Variants in IGSF10 observed in about 807,000 individuals in gnomAD.
IGSF10 encodes immunoglobulin superfamily member 10.
IGSF10 carries 126 observed loss-of-function variants against 128.2 expected under a neutral mutation model. That is an observed-to-expected ratio of 0.98 (90% confidence interval 0.85 to 1.14). The LOEUF (loss-of-function observed/expected upper bound fraction) is 1.14. Among genes scored for constraint, IGSF10 ranks in the 50% most tolerant of loss-of-function variants. The pLI, the probability that IGSF10 is intolerant of heterozygous loss-of-function variation, is 0.00. For missense variants in IGSF10, 3,295 were observed against 3,149.8 expected (o/e 1.05, Z -1.10); for synonymous variants, 1,185 against 1,146.2 (o/e 1.03, Z -0.68).
the IGSF10 span, among the ~76,000 whole-genome samples, chr3:151,492,332 T>C: frequency 6.6e-6 from 1 of 152,160 alleles, no homozygotes; most frequent in Non-Finnish European, 1.5e-5. Context: ...TTAGGATGAC[T>C]ATCATCAAAA....
chr3:151,478,443 C>T, the IGSF10 span, among the ~76,000 whole-genome samples: 1 of 152,188 alleles, frequency 6.6e-6, no homozygotes, highest in South Asian at 2.1e-4. Flanking sequence ...TCAAAAGTCA[C>T]TTTTTGGACA....
chr3:151,487,200 C>T, the IGSF10 span, among the ~76,000 whole-genome samples: 3 of 152,286 alleles, frequency 2.0e-5, no homozygotes, highest in Admixed American at 6.5e-5. Context: ...ATACTATAAA[C>T]ACCTCTATGC....
chr3:151,595,463 A>T, the IGSF10 span, among the ~76,000 whole-genome samples: 1 of 150,028 alleles, frequency 6.7e-6, no homozygotes, highest in South Asian at 2.1e-4. Context: ...CATACATAAC[A>T]TAATGGAATA....
the IGSF10 span, among the ~76,000 whole-genome samples, chr3:151,612,213 T>C: frequency 6.6e-6 from 1 of 152,186 alleles, no homozygotes; most frequent in African/African-American, 2.4e-5. Context: ...TTCCCAAACT[T>C]GCTGAAATCT....
chr3:151,519,479 T>C, the IGSF10 span, among the ~76,000 whole-genome samples: 2 of 151,794 alleles, frequency 1.3e-5, no homozygotes, highest in Non-Finnish European at 3.0e-5. Flanking sequence ...AGTTGGGGGA[T>C]ATATTTTATT....
At chr3:151,569,226 C>T in the IGSF10 span, among the ~76,000 whole-genome samples, 1 of 152,152 alleles carries the variant, frequency 6.6e-6, no homozygotes, top group South Asian at 2.1e-4. Flanking sequence ...TATGCGCTAC[C>T]ACATCCGGCA....
the IGSF10 span, among the ~76,000 whole-genome samples, chr3:151,615,009 C>T: frequency 3.6e-4 from 55 of 151,830 alleles, no homozygotes; most frequent in African/African-American, 1.3e-3. Context: ...TTTGGAAAGC[C>T]TATGAACTTC....
chr3:151,435,576 T>TTA (rs1441656739), downstream of IGSF10: 2 of 152,122 alleles, frequency 1.3e-5, no homozygotes, highest in African/African-American at 4.8e-5. Flanking sequence ...CACTGAGATA[T>TTA]CTAAGACCTA....
chr3:151,523,333 AACAAAAAAAGAGCCCACAT>A, the IGSF10 span, among the ~76,000 whole-genome samples: 1 of 152,166 alleles, frequency 6.6e-6, no homozygotes, highest in African/African-American at 2.4e-5. Context: ...ATTCATATGG[AACAAAAAAAGAGCCCACAT>A]ACAAAAGGCA....
chr3:151,505,309 G>C, the IGSF10 span, among the ~76,000 whole-genome samples: 12 of 152,034 alleles, frequency 7.9e-5, no homozygotes, highest in African/African-American at 2.7e-4. Flanking sequence ...CAAGTGAAGG[G>C]GGAAGCCCTT....
intron 2 of IGSF10, 25 bp downstream of exon 2, chr3:151,460,236 A>C (rs1560184190): frequency 5.6e-6 from 4 of 716,120 alleles, no homozygotes; most frequent in South Asian, 1.3e-4. Context: ...GAAAATGTAC[A>C]TAATGAAATA....
At chr3:151,518,689 G>A in the IGSF10 span, among the ~76,000 whole-genome samples, 1 of 151,898 alleles carries the variant, frequency 6.6e-6, no homozygotes, top group Non-Finnish European at 1.5e-5. Context: ...TATTTAAAAT[G>A]TTGTATTGAG....
At position 151,448,138 on chromosome 3, in the gene IGSF10, GCA is replaced by G; in HGVS notation, c.1841_1842del (p.Val614AlafsTer40). The G allele has an allele frequency of 6.2e-7, 1 of 1,614,142 alleles. No homozygotes were observed. Among genetic ancestry groups the G allele is most frequent in the Non-Finnish European group, 8.5e-7 (1 of 1,179,986 alleles). On this transcript the variant is annotated frameshift_variant, in exon 6 of 8. Transcript: ENST00000282466. LOFTEE classifies it high-confidence loss of function. The stretch of plus-strand genomic sequence containing the variant: ...TTCTTGTCTCTTGATGACTGATAGA[GCA>G]CATTGTTTCCTGGAATAACCCAGCT... ...SISWVIPGNN[V>X]LYQSSRDKKV...
the IGSF10 span, among the ~76,000 whole-genome samples, chr3:151,567,359 C>T: frequency 5.9e-5 from 9 of 152,320 alleles, no homozygotes; most frequent in Admixed American, 2.0e-4. Context: ...CACTCTGCCT[C>T]TGCTGAGAGT....
At chr3:151,508,535 G>C in the IGSF10 span, among the ~76,000 whole-genome samples, 1 of 152,110 alleles carries the variant, frequency 6.6e-6, no homozygotes, top group African/African-American at 2.4e-5. Flanking sequence ...CTTTATCAAA[G>C]AGTACAGGTT....
At chr3:151,488,574 T>C in the IGSF10 span, among the ~76,000 whole-genome samples, 1 of 152,182 alleles carries the variant, frequency 6.6e-6, no homozygotes, top group Non-Finnish European at 1.5e-5. Flanking sequence ...CATCAATCTA[T>C]ACTACAAGTC....
chr3:151,458,824 A>G (rs1219622790), intron 2 of IGSF10, 114 bp from the exon 3 acceptor site: 3 of 772,420 alleles, frequency 3.9e-6, no homozygotes, highest in Non-Finnish European at 6.2e-6. Context: ...TAAGTGGTCA[A>G]TTCCATTCCT....
At chr3:151,526,387 G>A in the IGSF10 span, among the ~76,000 whole-genome samples, 1 of 142,378 alleles carries the variant, frequency 7.0e-6, no homozygotes, top group Non-Finnish European at 1.6e-5. Context: ...ATATTTCAGC[G>A]TTAATGTCAT....
the IGSF10 span, among the ~76,000 whole-genome samples, chr3:151,612,612 T>C: frequency 6.6e-6 from 1 of 152,184 alleles, no homozygotes; most frequent in Non-Finnish European, 1.5e-5. Context: ...TTATAGCTGA[T>C]AATTCAATTA....
Sources: gnomAD v4.1 joint callset for allele counts (sites outside exome capture counted in the v4.1 genomes callset) on GRCh38, gnomAD v4.1.1 for gene constraint, MANE v1.5 for transcripts, NCBI Gene and HGNC (gene_info 2026-07-23, HGNC 2026-07-21) for gene names.